CATSPERG: variants seen among roughly 807,000 people sequenced by gnomAD.
CATSPERG encodes catsper channel auxiliary subunit gamma, also known as cation channel sperm-associated auxiliary subunit gamma.
CATSPERG carries 115 observed loss-of-function variants against 145.0 expected under a neutral mutation model. The observed-to-expected ratio is 0.79, with a 90% CI of 0.68 to 0.93. The LOEUF (loss-of-function observed/expected upper bound fraction) is 0.93. Among genes scored for constraint, CATSPERG ranks in the 40% least tolerant of loss-of-function variants. The pLI is 0.00. For missense variants in CATSPERG, 1,296 were observed against 1,490.1 expected (o/e 0.87, Z 2.14); for synonymous variants, 588 against 589.0 (o/e 1.00, Z 0.02).
intron 8 of CATSPERG, among the ~76,000 whole-genome samples, chr19:38,353,190 C>T (rs1040363696): frequency 9.9e-5 from 15 of 151,268 alleles, no homozygotes; most frequent in Admixed American, 7.3e-4. Flanking sequence ...AAAAATTAGC[C>T]GGGCATTGTG....
chr19:38,336,631 G>T, intron 1 of CATSPERG: 1 of 241,038 alleles, frequency 4.1e-6, no homozygotes, highest in South Asian at 4.3e-5. Flanking sequence ...GATACCAAGA[G>T]AAGTGCGAGG....
At chr19:38,358,375 AG>A (rs746512762) in intron 12 of CATSPERG, 47 bp downstream of exon 12, 5 of 1,613,924 alleles carry the variant, frequency 3.1e-6, no homozygotes, top group Non-Finnish European at 4.2e-6. Flanking sequence ...GTGGGCCAGG[AG>A]GGGCCCAGGT....
intron 3 of CATSPERG, among the ~76,000 whole-genome samples, chr19:38,342,755 G>A (rs1261478021): frequency 6.6e-6 from 1 of 151,904 alleles, no homozygotes; most frequent in East Asian, 1.9e-4. Context: ...CCTGAGTGCC[G>A]CCTTCTCTCG....
In CATSPERG at chr19:38,347,378, A is replaced by T. The variant is rs144008439; in HGVS notation, c.825+773A>T. 3.2e-3 allele frequency among the ~76,000 whole-genome samples: 492 copies of T among 152,286 alleles called. 19 individuals carry two copies. The East Asian group carries it at 0.087, about 27-fold the overall frequency. On this transcript the variant is annotated intron_variant, in intron 7 of 28. Transcript: ENST00000409235. ...GGGCGACAGAGCCAGACTCCGTCTC[A>T]AAGAAAAACAAAAAAAAAAAGTTAA... is the stretch of plus-strand genomic sequence containing the variant.
At chr19:38,368,756 G>T (rs534435484) in intron 26 of CATSPERG, among the ~76,000 whole-genome samples, 3 of 152,152 alleles carry the variant, frequency 2.0e-5, no homozygotes, top group Non-Finnish European at 4.4e-5. Context: ...TCTGCCTCCT[G>T]GGTTCAAGCA....
intron 14 of CATSPERG, chr19:38,359,817 C>A (rs1716419748): frequency 1.6e-6 from 2 of 1,269,448 alleles, no homozygotes; most frequent in Non-Finnish European, 2.0e-6. Context: ...CCTCTTTCAT[C>A]CCACAGTGTG....
At chr19:38,353,612 G>A (rs1187629821) in intron 8 of CATSPERG, among the ~76,000 whole-genome samples, 7 of 148,798 alleles carry the variant, frequency 4.7e-5, no homozygotes, top group African/African-American at 1.7e-4. Flanking sequence ...CAGGAGAATC[G>A]CTTGAACCCG....
intron 7 of CATSPERG, among the ~76,000 whole-genome samples, chr19:38,350,683 C>T (rs1289519441): frequency 6.6e-6 from 1 of 152,164 alleles, no homozygotes; most frequent in Non-Finnish European, 1.5e-5. Flanking sequence ...TCTGTATTGA[C>T]TTGATGCTCA....
chr19:38,348,013 A>T (rs74258641), intron 7 of CATSPERG, among the ~76,000 whole-genome samples: 1 of 151,446 alleles, frequency 6.6e-6, no homozygotes, highest in East Asian at 1.9e-4. Context: ...ATTTCTGAGG[A>T]TCCCACGTGG....
At chr19:38,358,216 C>T (rs1432864612) in intron 11 of CATSPERG, 62 bp from the exon 12 acceptor site, 1 of 1,558,022 alleles carries the variant, frequency 6.4e-7, no homozygotes, top group Non-Finnish European at 8.8e-7. Context: ...CAACTTGCTC[C>T]AGCTCCAGGT....
intron 27 of CATSPERG, 25 bp from the exon 28 acceptor site, chr19:38,370,134 C>T: frequency 6.2e-7 from 1 of 1,613,696 alleles, no homozygotes; most frequent in Non-Finnish European, 8.5e-7. Context: ...TCCTCTAATC[C>T]TGGATCCCCT....
intron 26 of CATSPERG, 79 bp downstream of exon 26, chr19:38,368,216 AG>A (rs1970489407): frequency 8.0e-7 from 1 of 1,243,908 alleles, no homozygotes; most frequent in African/African-American, 1.5e-5. Flanking sequence ...TGCCCCTAGG[AG>A]GCCTCTTGAT....
chr19:38,346,368 A>G, intron 6 of CATSPERG, 82 bp from the exon 7 acceptor site: 3 of 1,335,998 alleles, frequency 2.2e-6, no homozygotes, highest in East Asian at 2.6e-5. Context: ...TTGTGGGTCC[A>G]GGTCAGGCCT....
rs371465907 is a variant in CATSPERG at position 38,367,106 on chromosome 19, G to A, written c.2614-50G>A. 19 of 1,558,164 alleles carry A rather than the reference G, an allele frequency of 1.2e-5. No individual in the cohort carries two copies. In the Admixed American group the frequency reaches 1.7e-4, roughly 14 times the overall value. The stretch of plus-strand genomic sequence containing the variant: ...CTTCCTGCCCCTTACCCCTCCAGGG[G>A]CCTGAGGAGACCCTGGCCACCCCTG... On this transcript the variant is annotated intron_variant, in intron 22 of 28. Transcript: ENST00000409235.
At chr19:38,366,014 C>T (rs1970442529) in intron 22 of CATSPERG, 1 of 152,296 alleles carries the variant, frequency 6.6e-6, no homozygotes, top group Admixed American at 6.5e-5. Context: ...CGACCTAGGG[C>T]CACTTTTTGC....
At chr19:38,337,120 C>G in intron 1 of CATSPERG, 101 bp from the exon 2 acceptor site, 1 of 1,402,080 alleles carries the variant, frequency 7.1e-7, no homozygotes, top group African/African-American at 1.4e-5. Flanking sequence ...GGGGCGTGGC[C>G]AGGAGCAAGT....
intron 26 of CATSPERG, chr19:38,369,727 G>A: frequency 1.8e-6 from 1 of 555,118 alleles, no homozygotes; most frequent in Non-Finnish European, 3.3e-6. Flanking sequence ...CTGGATGGAT[G>A]CACAGTGACA....
chr19:38,368,579 T>C (rs1970495497), intron 26 of CATSPERG, among the ~76,000 whole-genome samples: 1 of 152,244 alleles, frequency 6.6e-6, no homozygotes, highest in Non-Finnish European at 1.5e-5. Flanking sequence ...TTTTGCTCTT[T>C]GTTGCCCAGG....
intron 18 of CATSPERG, 25 bp from the exon 19 acceptor site, chr19:38,362,351 C>T (rs1970364051): frequency 6.2e-7 from 1 of 1,613,874 alleles, no homozygotes; most frequent in South Asian, 1.1e-5. Flanking sequence ...GGCGCTGACT[C>T]TGCCCCGCGC....
Sources: allele counts gnomAD v4.1 joint callset (sites outside exome capture counted in the v4.1 genomes callset), GRCh38; gene constraint gnomAD v4.1.1; transcripts MANE v1.5; gene names NCBI Gene and HGNC (gene_info 2026-07-23, HGNC 2026-07-21).